The following RAD50 variants were observed in gnomAD, a reference collection of about 807,000 sequenced individuals.
RAD50 encodes DNA repair protein RAD50.
Under a neutral mutation model 168.8 loss-of-function variants are expected in RAD50, and 132 were observed. That is an observed-to-expected ratio of 0.78 (90% CI 0.68 to 0.90). The LOEUF is 0.90. RAD50 is among the 40% of genes least tolerant of loss of function. RAD50 has a pLI of 0.00. For synonymous variants in RAD50, 525 were observed against 497.4 expected (o/e 1.06, Z -0.74); for missense variants, 1,347 against 1,534.4 (o/e 0.88, Z 2.04).
chr5:132,599,554 A>G (rs1273471905), intron 13 of RAD50, among the ~76,000 whole-genome samples: 1 of 152,118 alleles, frequency 6.6e-6, no homozygotes, highest in Non-Finnish European at 1.5e-5. Flanking sequence ...ATGAATTAAG[A>G]GGACTTGATT....
At chr5:132,579,715 TCAC>T in intron 4 of RAD50, 144 bp from the exon 5 acceptor site, 2 of 869,016 alleles carry the variant, frequency 2.3e-6, no homozygotes, top group African/African-American at 1.7e-5. Context: ...GTAATTTTTT[TCAC>T]TTACCATTAT....
At chr5:132,606,157 A>G (rs1750981895) in intron 16 of RAD50, among the ~76,000 whole-genome samples, 1 of 152,188 alleles carries the variant, frequency 6.6e-6, no homozygotes, top group Non-Finnish European at 1.5e-5. Context: ...GATACACGAA[A>G]AACCCTTCAA....
intron 9 of RAD50, 45 bp downstream of exon 9, chr5:132,589,882 T>G: frequency 6.7e-7 from 1 of 1,496,342 alleles, no homozygotes; most frequent in Non-Finnish European, 9.2e-7. Flanking sequence ...GATATAATAC[T>G]TTTAGAAGTA....
chr5:132,568,020 C>G (rs534484845), intron 2 of RAD50, among the ~76,000 whole-genome samples: 1 of 152,078 alleles, frequency 6.6e-6, no homozygotes, highest in South Asian at 2.1e-4. Flanking sequence ...GAAGCAGATC[C>G]AGAGATGACA....
At chr5:132,592,629 A>G (rs1307174759) in intron 11 of RAD50, 6 of 269,048 alleles carry the variant, frequency 2.2e-5, no homozygotes, top group African/African-American at 6.6e-5. Flanking sequence ...CCCTCCAGAA[A>G]GTCAGCAAGC....
chr5:132,595,863 A>C (rs2149844325), intron 13 of RAD50, 53 bp downstream of exon 13: 1 of 1,504,784 alleles, frequency 6.6e-7, no homozygotes, highest in Non-Finnish European at 9.1e-7. Context: ...TGTAAAAGGT[A>C]CCCATCTCAT....
At position 132,579,751 on chromosome 5, in the gene RAD50, T is replaced by C. The variant is rs901954032; in HGVS notation, c.552-111T>C. The C allele has an allele frequency of 6.8e-6, 7 of 1,033,116 alleles. 1 individual carries two copies. The Admixed American group carries it at 1.1e-4, about 16-fold the overall frequency. 64.0% of individuals were successfully genotyped at this position (1,033,116 alleles called of 1,614,324 possible). A position where few individuals can be genotyped will look rare whatever the true frequency, so the allele number is the denominator to read the frequency against. ...TATGTCATAGGCATTTTACAAGTTA[T>C]TAAAAACTCATTGTAACTGTAATCT... On this transcript the variant is annotated intron_variant, in intron 4 of 24. Transcript: ENST00000378823.
At chr5:132,616,634 A>G (rs948903164) in intron 20 of RAD50, among the ~76,000 whole-genome samples, 1 of 152,206 alleles carries the variant, frequency 6.6e-6, no homozygotes, top group Non-Finnish European at 1.5e-5. Context: ...TGTAGTTGCT[A>G]CCTTCCTGGT....
At chr5:132,567,022 GCATGCTT>G (rs1325551548) in intron 2 of RAD50, among the ~76,000 whole-genome samples, 1 of 152,168 alleles carries the variant, frequency 6.6e-6, no homozygotes, top group Non-Finnish European at 1.5e-5. Context: ...AACCTATCTT[GCATGCTT>G]CAAAGGAAAA....
chr5:132,581,568 A>G (rs143195269), intron 5 of RAD50, among the ~76,000 whole-genome samples: 10 of 152,382 alleles, frequency 6.6e-5, no homozygotes, highest in African/African-American at 1.7e-4. Flanking sequence ...AACTTTTTTT[A>G]ACTGCATATA....
intron 13 of RAD50, among the ~76,000 whole-genome samples, chr5:132,597,790 T>A (rs1750817179): frequency 6.6e-6 from 1 of 152,112 alleles, no homozygotes; most frequent in African/African-American, 2.4e-5. Context: ...CAACAATAGA[T>A]AACCAACACA....
chr5:132,627,848 A>G (rs1012385448), intron 21 of RAD50, among the ~76,000 whole-genome samples: 2 of 152,124 alleles, frequency 1.3e-5, no homozygotes, highest in African/African-American at 4.8e-5. Context: ...TGATGAGGAG[A>G]CTTGTAGTAA....
chr5:132,601,090 G>A (rs182390584), intron 13 of RAD50, among the ~76,000 whole-genome samples: 2 of 152,270 alleles, frequency 1.3e-5, no homozygotes, highest in East Asian at 1.9e-4. Context: ...TCCACCTCCC[G>A]GGTTTAAGCA....
chr5:132,615,248 G>A lies in RAD50; in HGVS notation c.3037-755G>A, dbSNP rs1369128615. ...GGAAAACCACTGAAATAATTTTGTT[G>A]TTGTTGCTGCTGCTGCTAAGTGTTA... On this transcript the variant is annotated intron_variant, in intron 19 of 24. Transcript: ENST00000378823. Among the ~76,000 whole-genome samples, 5 of 152,228 alleles carry A rather than the reference G, an allele frequency of 3.3e-5. No homozygotes were observed. The East Asian group carries it at 7.7e-4, about 23-fold the overall frequency.
Position 132,609,219 on chromosome 5 carries a change from A to C in RAD50, c.2922+10A>C. On this transcript the variant is annotated intron_variant, in intron 18 of 24. Coordinates refer to ENST00000378823, the MANE Select transcript of RAD50 (RefSeq NM_005732.4). ...AGACGACTATAAGAAGGTAATTTAA[A>C]ACTTAAAATTATTTATTTGATTGTA... The C allele has an allele frequency of 6.2e-7, 1 of 1,608,826 alleles. No homozygotes were observed. Among genetic ancestry groups the C allele is most frequent in the Non-Finnish European group, 8.5e-7 (1 of 1,177,514 alleles).
chr5:132,583,586 A>T (rs1485796624), intron 5 of RAD50, among the ~76,000 whole-genome samples: 1 of 151,554 alleles, frequency 6.6e-6, no homozygotes, highest in Non-Finnish European at 1.5e-5. Flanking sequence ...CTGTCATTAT[A>T]GTTTTGCCTT....
intron 2 of RAD50, 86 bp from the exon 3 acceptor site, chr5:132,575,691 G>A: frequency 7.6e-7 from 1 of 1,310,934 alleles, no homozygotes; most frequent in East Asian, 2.3e-5. Context: ...CCCTCATTTT[G>A]GGTAAGATTG....
intron 11 of RAD50, among the ~76,000 whole-genome samples, chr5:132,594,079 A>C (rs1561641790): frequency 6.6e-6 from 1 of 152,306 alleles, no homozygotes; most frequent in East Asian, 1.9e-4. Flanking sequence ...AAATATCATC[A>C]TATTAGTTAC....
At chr5:132,615,378 A>G (rs1751157567) in intron 19 of RAD50, among the ~76,000 whole-genome samples, 1 of 152,184 alleles carries the variant, frequency 6.6e-6, no homozygotes, top group African/African-American at 2.4e-5. Flanking sequence ...ATATGCTACT[A>G]TTGTGGCACT....
Sources: allele counts gnomAD v4.1 joint callset (sites outside exome capture counted in the v4.1 genomes callset), GRCh38; gene constraint gnomAD v4.1.1; transcripts MANE v1.5; gene names NCBI Gene and HGNC (gene_info 2026-07-23, HGNC 2026-07-21).